The following ST6GALNAC5 variants were observed in gnomAD, a reference collection of about 807,000 sequenced individuals.
ST6GALNAC5 encodes the protein alpha-N-acetylgalactosaminide alpha-2,6-sialyltransferase 5.
In ST6GALNAC5, 27 loss-of-function variants were observed where a neutral mutation model predicts 33.6. That is an observed-to-expected ratio of 0.80 (90% CI 0.59 to 1.11). ST6GALNAC5 has a LOEUF of 1.11. Among genes scored for constraint, ST6GALNAC5 ranks in the 50% least tolerant of loss-of-function variants. The probability of loss-of-function intolerance (pLI) is 0.00; values close to 1 mark genes in which losing one functional copy is unlikely to be tolerated. For synonymous variants in ST6GALNAC5, 194 were observed against 171.2 expected, an observed-to-expected ratio of 1.13 and a Z score of -1.04; for missense variants, 428 against 454.0, an observed-to-expected ratio of 0.94 and a Z score of 0.52.
intron 2 of ST6GALNAC5, among the ~76,000 whole-genome samples, chr1:76,939,869 A>G (rs543855186): frequency 5.3e-5 from 8 of 152,120 alleles, no homozygotes; most frequent in African/African-American, 1.2e-4. Context: ...TTGAGTCACA[A>G]TGGCTGCCTC....
intron 2 of ST6GALNAC5, among the ~76,000 whole-genome samples, chr1:76,910,833 T>C (rs1646904617): frequency 6.6e-6 from 1 of 151,860 alleles, no homozygotes; most frequent in Non-Finnish European, 1.5e-5. Context: ...ATTCTGCTCC[T>C]CTGACTATAC....
chr1:77,065,128 T>A lies in ST6GALNAC5; in HGVS notation c.*1922T>A, dbSNP rs1430721185. 1 of 152,228 alleles carries A rather than the reference T, an allele frequency of 6.6e-6. No individual in the cohort carries two copies. The highest frequency in any genetic ancestry group is 1.5e-5 in the Non-Finnish European group (1 of 68,038). 9.4% of individuals were successfully genotyped at this position (152,228 alleles called of 1,614,324 possible). A position where few individuals can be genotyped will look rare whatever the true frequency, so the allele number is the denominator to read the frequency against. ...CACAGCATGGACTCTGAACACATCATACTTTATCAACATATGAAAAAGTGT... is the reference window on the plus strand; with the variant it reads ...CACAGCATGGACTCTGAACACATCAAACTTTATCAACATATGAAAAAGTGT... On this transcript the variant is annotated 3_prime_UTR_variant, in exon 5 of 5. Coordinates refer to ENST00000477717, the MANE Select transcript of ST6GALNAC5 (RefSeq NM_030965.3).
chr1:76,930,890 C>G (rs905342714), intron 2 of ST6GALNAC5, among the ~76,000 whole-genome samples: 6 of 152,148 alleles, frequency 3.9e-5, no homozygotes, highest in African/African-American at 1.4e-4. Flanking sequence ...GGCAGAGACA[C>G]TCTTAAAGTG....
rs147347952 is a variant in ST6GALNAC5, at chr1:76,933,158, T to C, written c.261+64416T>C. 1.3e-4 allele frequency among the ~76,000 whole-genome samples: 20 copies of C among 152,180 alleles called. No individual in the cohort carries two copies. In the East Asian group the frequency reaches 1.6e-3, roughly 12 times the overall value. On this transcript the variant is annotated intron_variant, in intron 2 of 4. Transcript: ENST00000477717. ...TCTTAAATGGAATCCTGAAATTTTG[T>C]GTCTAGGGAAATGGTCTATAAAAAA...
chr1:77,001,626 A>G (rs201948374), intron 2 of ST6GALNAC5, among the ~76,000 whole-genome samples: 52,989 of 151,610 alleles, frequency 0.35, 11,152 homozygotes, highest in East Asian at 0.49. Flanking sequence ...ATTGGCTGTG[A>G]GTTTGTCGTA....
intron 3 of ST6GALNAC5, among the ~76,000 whole-genome samples, chr1:77,049,993 C>A (rs1437108176): frequency 6.6e-6 from 1 of 152,208 alleles, no homozygotes; most frequent in Non-Finnish European, 1.5e-5. Context: ...CACTGATCAT[C>A]ATCTTTGATG....
intron 2 of ST6GALNAC5, among the ~76,000 whole-genome samples, chr1:76,934,369 T>C (rs1647175587): frequency 6.6e-6 from 1 of 152,068 alleles, no homozygotes; most frequent in Admixed American, 6.6e-5. Flanking sequence ...GGCAGTTGAA[T>C]AGAGGACAAG....
intron 2 of ST6GALNAC5, among the ~76,000 whole-genome samples, chr1:77,028,211 A>G (rs561098651): frequency 2.6e-5 from 4 of 152,364 alleles, no homozygotes; most frequent in Non-Finnish European, 5.9e-5. Flanking sequence ...TCCAGAAACA[A>G]GCACAAAAGA....
At chr1:76,974,773 C>CTTTTGTTTTTTTTT (rs1648932051) in intron 2 of ST6GALNAC5, among the ~76,000 whole-genome samples, 1 of 35,240 alleles carries the variant, frequency 2.8e-5, no homozygotes, top group Non-Finnish European at 4.6e-5. Flanking sequence ...TTCTTTCTTT[C>CTTTTGTTTTTTTTT]TTTTTTTTTT....
At chr1:77,059,786 T>C (rs2100481349) in intron 4 of ST6GALNAC5, among the ~76,000 whole-genome samples, 1 of 152,298 alleles carries the variant, frequency 6.6e-6, no homozygotes, top group East Asian at 1.9e-4. Flanking sequence ...GTCCCTCATT[T>C]TTTCTACATT....
chr1:76,944,719 C>T (rs899898974), intron 2 of ST6GALNAC5, among the ~76,000 whole-genome samples: 10 of 152,092 alleles, frequency 6.6e-5, no homozygotes, highest in African/African-American at 2.4e-4. Context: ...GGGGCAAGGT[C>T]TCAGGTTAAC....
chr1:76,961,740 A>G (rs915447554), intron 2 of ST6GALNAC5, among the ~76,000 whole-genome samples: 1 of 152,172 alleles, frequency 6.6e-6, no homozygotes, highest in African/African-American at 2.4e-5. Context: ...TCACTTCTTC[A>G]GAAAGTCTTC....
At chr1:76,908,302 G>T (rs1646882695) in intron 2 of ST6GALNAC5, among the ~76,000 whole-genome samples, 1 of 152,088 alleles carries the variant, frequency 6.6e-6, no homozygotes, top group Admixed American at 6.6e-5. Flanking sequence ...CCTGTTTCCT[G>T]GTTCATGGAT....
At chr1:76,913,057 C>G (rs1487292658) in intron 2 of ST6GALNAC5, among the ~76,000 whole-genome samples, 1 of 152,086 alleles carries the variant, frequency 6.6e-6, no homozygotes, top group Non-Finnish European at 1.5e-5. Context: ...CGGCTGGTAC[C>G]GTTTGTTCCT....
In ST6GALNAC5 at chr1:76,867,497, T is replaced by G. The variant is rs1412461768; in HGVS notation, c.-179T>G. 3 of 895,578 alleles carry G rather than the reference T, an allele frequency of 3.3e-6. No homozygotes were observed. The African/African-American group carries it at 5.0e-5, about 15-fold the overall frequency. 55.5% of individuals were successfully genotyped at this position (895,578 alleles called of 1,614,324 possible). On this transcript the variant is annotated 5_prime_UTR_variant, in exon 1 of 5. Coordinates refer to ENST00000477717, the MANE Select transcript of ST6GALNAC5 (RefSeq NM_030965.3). ...TCCGGTTCAGTTTTAATTCTGTCTC[T>G]AATCTCTGCAACAGCCGCGCTTCCC... is the stretch of plus-strand genomic sequence containing the variant.
At chr1:76,940,056 T>C (rs1049850935) in intron 2 of ST6GALNAC5, among the ~76,000 whole-genome samples, 1 of 152,086 alleles carries the variant, frequency 6.6e-6, no homozygotes, top group Non-Finnish European at 1.5e-5. Context: ...CTTGTTTCAC[T>C]GGGTTGTAGA....
chr1:76,945,798 A>G (rs1025591806), intron 2 of ST6GALNAC5, among the ~76,000 whole-genome samples: 2 of 152,140 alleles, frequency 1.3e-5, no homozygotes, highest in African/African-American at 4.8e-5. Flanking sequence ...ATTAGTCTTA[A>G]TAGAAGTCAT....
intron 2 of ST6GALNAC5, among the ~76,000 whole-genome samples, chr1:76,987,543 C>T (rs1013911866): frequency 7.9e-5 from 12 of 152,104 alleles, no homozygotes; most frequent in African/African-American, 2.7e-4. Context: ...GTTTCTCAAA[C>T]GATTAAGAAT....
chr1:76,898,368 A>G (rs1404144273), intron 2 of ST6GALNAC5, among the ~76,000 whole-genome samples: 1 of 151,232 alleles, frequency 6.6e-6, no homozygotes, highest in African/African-American at 2.4e-5. Context: ...TCAGAAATAC[A>G]TTGCTACTTG....
Sources: allele counts gnomAD v4.1 joint callset (sites outside exome capture counted in the v4.1 genomes callset), GRCh38; gene constraint gnomAD v4.1.1; transcripts MANE v1.5; gene names NCBI Gene and HGNC (gene_info 2026-07-23, HGNC 2026-07-21).